Variants in ZNF536 observed in about 807,000 individuals in gnomAD.
The protein encoded by ZNF536 is zinc finger protein 536.
ZNF536 carries 13 observed loss-of-function variants against 84.5 expected under a neutral mutation model. That is an observed-to-expected ratio of 0.15 (90% confidence interval 0.10 to 0.24). The LOEUF is 0.24. Ranked by LOEUF, ZNF536 falls within the 10% of genes least tolerant of loss-of-function variation. The probability of loss-of-function intolerance (pLI) is 1.00; values close to 1 mark genes in which losing one functional copy is unlikely to be tolerated. For missense variants in ZNF536, 1,536 were observed against 1,747.5 expected, an observed-to-expected ratio of 0.88 and a Z score of 2.16; for synonymous variants, 811 against 742.5, an observed-to-expected ratio of 1.09 and a Z score of -1.50.
intron 1 of ZNF536, among the ~76,000 whole-genome samples, chr19:30,625,478 G>A (rs781772347): frequency 2.6e-5 from 4 of 152,154 alleles, no homozygotes; most frequent in Admixed American, 6.5e-5. Flanking sequence ...TTATTTCTCC[G>A]TGTTAGGAAT....
chr19:30,264,508 A>C (rs1261199695), intron 1 of ZNF536, among the ~76,000 whole-genome samples: 1 of 152,134 alleles, frequency 6.6e-6, no homozygotes, highest in Non-Finnish European at 1.5e-5. Context: ...TGAAATATTT[A>C]TAGGAAAGCT....
At chr19:30,333,461 G>T (rs939835887) in intron 2 of ZNF536, among the ~76,000 whole-genome samples, 1 of 152,274 alleles carries the variant, frequency 6.6e-6, no homozygotes, top group African/African-American at 2.4e-5. Context: ...TGGTTTCTGA[G>T]AGCTACGTGG....
At chr19:30,670,647 C>T (rs1414512729) in intron 1 of ZNF536, among the ~76,000 whole-genome samples, 1 of 152,236 alleles carries the variant, frequency 6.6e-6, no homozygotes, top group Non-Finnish European at 1.5e-5. Flanking sequence ...TTGGGGGAGG[C>T]ATTTCCCAGG....
intron 1 of ZNF536, among the ~76,000 whole-genome samples, chr19:30,609,055 G>T (rs2047999560): frequency 6.6e-6 from 1 of 152,180 alleles, no homozygotes; most frequent in African/African-American, 2.4e-5. Flanking sequence ...TGAATTCGAT[G>T]GATAGGAACA....
Position 30,401,097 on chromosome 19 carries a change from G to T in ZNF536, c.-3+28541G>T, listed in dbSNP as rs183347253. On this transcript the variant is annotated intron_variant, in intron 1 of 4. Transcript: ENST00000355537. ...GTTGTTTGTTTATAGATATCCAGTTGTTCTAGCTCCATTTGCTGCAAAAAA... is the reference window on the plus strand; with the variant it reads ...GTTGTTTGTTTATAGATATCCAGTTTTTCTAGCTCCATTTGCTGCAAAAAA... 2.3e-3 allele frequency among the ~76,000 whole-genome samples: 343 copies of T among 152,226 alleles called. 1 individual carries two copies. Among genetic ancestry groups the T allele is most frequent in the African/African-American group, 7.9e-3 (330 of 41,534 alleles).
chr19:30,620,539 G>A (rs1323128929), intron 1 of ZNF536, among the ~76,000 whole-genome samples: 2 of 152,118 alleles, frequency 1.3e-5, no homozygotes, highest in Non-Finnish European at 2.9e-5. Flanking sequence ...CTGCCATCCA[G>A]GGGTCTGTGG....
chr19:30,284,558 A>T (rs1394208613), intron 2 of ZNF536, among the ~76,000 whole-genome samples: 4 of 152,314 alleles, frequency 2.6e-5, no homozygotes, highest in Non-Finnish European at 4.4e-5. Flanking sequence ...AGTCTTGGAC[A>T]AATCCTGTCC....
chr19:30,613,330 C>T (rs1205987606), intron 1 of ZNF536, among the ~76,000 whole-genome samples: 4 of 152,174 alleles, frequency 2.6e-5, no homozygotes, highest in South Asian at 2.1e-4. Flanking sequence ...CGTTTATATC[C>T]GTTGGGCGAT....
At position 30,479,630 on chromosome 19, in the gene ZNF536, C is replaced by T. The variant is rs563576776; in HGVS notation, c.2170+33898C>T. Among the ~76,000 whole-genome samples, 381 of 152,338 alleles carry T rather than the reference C, an allele frequency of 2.5e-3. 2 individuals are homozygous for T. Among genetic ancestry groups the T allele is most frequent in the Non-Finnish European group, 4.2e-3 (288 of 68,032 alleles). ...AGGGGCCCTCACGCACACCCCACTT[C>T]CCCAGCACTGGCCACCTGCGCTTGT... On this transcript the variant is annotated intron_variant, in intron 2 of 4. Coordinates refer to ENST00000355537, the MANE Select transcript of ZNF536 (RefSeq NM_014717.3).
chr19:30,280,502 A>G (rs2045403051), intron 1 of ZNF536, among the ~76,000 whole-genome samples: 1 of 152,196 alleles, frequency 6.6e-6, no homozygotes, highest in South Asian at 2.1e-4. Context: ...TGTCCTCTGC[A>G]TGTGCCCGGG....
intron 1 of ZNF536, among the ~76,000 whole-genome samples, chr19:30,673,345 A>G (rs941851620): frequency 6.6e-6 from 1 of 152,048 alleles, no homozygotes; most frequent in Admixed American, 6.5e-5. Flanking sequence ...CTAGATTCCA[A>G]TATGAATTTT....
At chr19:30,303,120 C>T (rs1172601920) in intron 2 of ZNF536, among the ~76,000 whole-genome samples, 2 of 152,154 alleles carry the variant, frequency 1.3e-5, no homozygotes, top group Admixed American at 6.5e-5. Flanking sequence ...TTTGAAGCTC[C>T]CAGGAGCTCC....
chr19:30,573,603 T>G (rs1342462997), intron 1 of ZNF536, among the ~76,000 whole-genome samples: 1 of 152,044 alleles, frequency 6.6e-6, no homozygotes, highest in Admixed American at 6.5e-5. Flanking sequence ...AAGATGAAGG[T>G]CTTTTGTCCT....
chr19:30,709,743 G>C (rs1361872914), intron 1 of ZNF536, among the ~76,000 whole-genome samples: 2 of 152,166 alleles, frequency 1.3e-5, no homozygotes, highest in Non-Finnish European at 2.9e-5. Flanking sequence ...TCCTGCCTAA[G>C]CCTCCTGAGT....
chr19:30,341,057 G>A (rs2146545350), intron 2 of ZNF536, among the ~76,000 whole-genome samples: 1 of 152,290 alleles, frequency 6.6e-6, no homozygotes, highest in Admixed American at 6.5e-5. Context: ...CAGTGAACTG[G>A]CACACAGCAG....
chr19:30,575,079 G>A (rs2046682535), intron 1 of ZNF536, among the ~76,000 whole-genome samples: 3 of 152,214 alleles, frequency 2.0e-5, no homozygotes, highest in African/African-American at 7.2e-5. Context: ...GGATTACTGA[G>A]TTGTCAGGAA....
chr19:30,250,638 G>A (rs1035613125), intron 1 of ZNF536, among the ~76,000 whole-genome samples: 1 of 152,168 alleles, frequency 6.6e-6, no homozygotes, highest in African/African-American at 2.4e-5. Flanking sequence ...TAGAGAAGTC[G>A]CTGAGCTTTG....
At chr19:30,607,271 T>C (rs920461332) in intron 1 of ZNF536, among the ~76,000 whole-genome samples, 5 of 152,214 alleles carry the variant, frequency 3.3e-5, no homozygotes, top group Admixed American at 2.0e-4. Flanking sequence ...GTGAAACTTT[T>C]TTTTGTTTTA....
chr19:30,452,828 A>C (rs1395579947), intron 2 of ZNF536, among the ~76,000 whole-genome samples: 1 of 150,882 alleles, frequency 6.6e-6, no homozygotes, highest in African/African-American at 2.4e-5. Context: ...TGGGTGTCTC[A>C]CCTCCCTTCG....
Sources: gnomAD v4.1 joint callset for allele counts (sites outside exome capture counted in the v4.1 genomes callset) on GRCh38, gnomAD v4.1.1 for gene constraint, MANE v1.5 for transcripts, NCBI Gene and HGNC (gene_info 2026-07-23, HGNC 2026-07-21) for gene names.